Variants in PRDM14 observed in about 807,000 individuals in gnomAD.
The protein encoded by PRDM14 is PR/SET domain 14, also known as PR domain zinc finger protein 14.
A neutral mutation model predicts 48.0 loss-of-function variants in PRDM14; 16 were observed. The ratio of observed to expected loss-of-function variants is 0.33; its 90% CI spans 0.23 to 0.51. PRDM14 has a LOEUF of 0.51. PRDM14 is among the 20% of genes least tolerant of loss of function. The pLI is 0.97. For synonymous variants in PRDM14, 264 were observed against 276.6 expected (o/e 0.95, Z 0.45); for missense variants, 566 against 719.6 (o/e 0.79, Z 2.44).
intron 6 of PRDM14, among the ~76,000 whole-genome samples, chr8:70,057,259 G>A (rs1282980782): frequency 1.3e-5 from 2 of 151,704 alleles, no homozygotes; most frequent in Non-Finnish European, 1.5e-5. Context: ...CACCACTCCC[G>A]GCCTCCAATT....
intron 6 of PRDM14, among the ~76,000 whole-genome samples, chr8:70,056,968 C>CTT (rs34066424): frequency 3.6e-5 from 5 of 137,938 alleles, no homozygotes; most frequent in Non-Finnish European, 3.1e-5. Context: ...AGTTTCTTTT[C>CTT]TTTTTTTTTT....
At chr8:70,055,234 A>C in intron 7 of PRDM14, 66 bp downstream of exon 7, 1 of 878,786 alleles carries the variant, frequency 1.1e-6, no homozygotes, top group East Asian at 2.5e-5. Context: ...GCTTTGTTTC[A>C]AGTTCTTATC....
chr8:70,068,829 TCAG>T (rs1198680139), intron 2 of PRDM14, among the ~76,000 whole-genome samples: 1 of 152,190 alleles, frequency 6.6e-6, no homozygotes, highest in Non-Finnish European at 1.5e-5. Context: ...CTGACTAAGG[TCAG>T]CGTAGCTAGC....
chr8:70,055,791 G>A (rs1027820139), intron 6 of PRDM14, among the ~76,000 whole-genome samples: 2 of 152,084 alleles, frequency 1.3e-5, no homozygotes, highest in African/African-American at 2.4e-5. Context: ...CTTGAGCCAC[G>A]GCACCCGACC....
At position 70,052,065 on chromosome 8, in the gene PRDM14, T is replaced by C. The variant is rs184466035; in HGVS notation, c.*12A>G. 6.8e-5 allele frequency: 107 copies of C among 1,568,860 alleles called. No homozygotes were observed. In the African/African-American group the frequency reaches 1.3e-3, roughly 19 times the overall value. On this transcript the variant is annotated 3_prime_UTR_variant, in exon 8 of 8. Coordinates refer to ENST00000276594, the MANE Select transcript of PRDM14 (RefSeq NM_024504.4). Reference sequence around the variant, plus strand: ...CTGGGATTACAGGCGTGAGTCATTGTGCCTGGCAGGGCTAGTAGTCTTCAT... The same window carrying C: ...CTGGGATTACAGGCGTGAGTCATTGCGCCTGGCAGGGCTAGTAGTCTTCAT...
At chr8:70,052,408 C>A in intron 7 of PRDM14, 104 bp from the exon 8 acceptor site, 2 of 915,920 alleles carry the variant, frequency 2.2e-6, no homozygotes, top group Middle Eastern at 3.4e-4. Flanking sequence ...TCCTTATGGA[C>A]GAACCTTGGG....
chr8:70,061,357 C>T (rs920668737), intron 5 of PRDM14, among the ~76,000 whole-genome samples: 8 of 152,202 alleles, frequency 5.3e-5, no homozygotes, highest in Admixed American at 5.2e-4. Context: ...GAAATCTTCT[C>T]AGCATCAGGA....
rs1394343075 is a variant in PRDM14 at position 70,057,949 on chromosome 8, T to C, written c.1386+691A>G. 2.0e-5 allele frequency among the ~76,000 whole-genome samples: 3 copies of C among 152,332 alleles called. No homozygotes were observed. In the East Asian group the frequency reaches 5.8e-4, roughly 29 times the overall value. On this transcript the variant is annotated intron_variant, in intron 6 of 7. Transcript: ENST00000276594. ...AAACAGGAAAATGGGCTCAAGGTCG[T>C]AGCTGCCTGAGGTAGTTCCGACAAG... is the stretch of plus-strand genomic sequence containing the variant.
chr8:70,070,893 C>T (rs1411636848), intron 1 of PRDM14, among the ~76,000 whole-genome samples: 1 of 152,174 alleles, frequency 6.6e-6, no homozygotes, highest in Non-Finnish European at 1.5e-5. Context: ...AGGGTCATGA[C>T]TCAGAAATTA....
intron 7 of PRDM14, among the ~76,000 whole-genome samples, chr8:70,053,409 G>C (rs1805421227): frequency 6.7e-6 from 1 of 149,886 alleles, no homozygotes; most frequent in Non-Finnish European, 1.5e-5. Flanking sequence ...TGTTTGTTTT[G>C]AGACAGAATC....
In PRDM14 at chr8:70,067,531, C is replaced by CAAA. The variant is rs751731521; in HGVS notation, c.912+696_912+698dup. Among the ~76,000 whole-genome samples the CAAA allele has an allele frequency of 5.9e-3, 771 of 130,072 alleles. 2 individuals carry two copies. Among genetic ancestry groups the CAAA allele is most frequent in the African/African-American group, 0.02 (694 of 34,348 alleles). The allele number at this position is 130,072 out of a possible 152,430, so 85.3% of individuals were successfully genotyped here. Reference sequence around the variant, plus strand: ...AAACTCCGTCTCAAGAAAAAAAAAACAAAAAAAAAAAAACAAAGAAAGATT... The same window carrying CAAA: ...AAACTCCGTCTCAAGAAAAAAAAAACAAAAAAAAAAAAAAAACAAAGAAAGATT... On this transcript the variant is annotated intron_variant, in intron 4 of 7. Transcript: ENST00000276594.
chr8:70,054,648 AGCTGGG>A (rs1563437894), intron 7 of PRDM14, among the ~76,000 whole-genome samples: 4 of 150,892 alleles, frequency 2.7e-5, no homozygotes, highest in African/African-American at 7.3e-5. Flanking sequence ...CCTCCCAAGT[AGCTGGG>A]ATTACAGGAA....
chr8:70,066,619 T>C, intron 4 of PRDM14, 114 bp from the exon 5 acceptor site: 1 of 758,044 alleles, frequency 1.3e-6, no homozygotes, highest in Non-Finnish European at 2.2e-6. Context: ...CCAAATACAC[T>C]TCTATCATTC....
intron 5 of PRDM14, among the ~76,000 whole-genome samples, chr8:70,062,107 C>T (rs531688890): frequency 1.3e-5 from 2 of 152,154 alleles, no homozygotes; most frequent in Non-Finnish European, 2.9e-5. Flanking sequence ...TAATTATTCC[C>T]AACAAATTAA....
rs763472976 is a variant in PRDM14 at position 70,052,312 on chromosome 8, G to A, written c.1489-8C>T. 3 of 1,595,864 alleles carry A rather than the reference G, an allele frequency of 1.9e-6. No individual in the cohort carries two copies. The highest frequency in any genetic ancestry group is 2.6e-6 in the Non-Finnish European group (3 of 1,167,706). ...GCTGGAGGCTGTGAACCTCTGCAGA[G>A]AACAGAAATACAGAACACAAGAAAA... On this transcript the variant is annotated splice_region_variant and splice_polypyrimidine_tract_variant and intron_variant, in intron 7 of 7. Coordinates refer to ENST00000276594, the MANE Select transcript of PRDM14 (RefSeq NM_024504.4).
intron 6 of PRDM14, among the ~76,000 whole-genome samples, chr8:70,057,360 A>C (rs1402623411): frequency 7.6e-6 from 1 of 131,326 alleles, no homozygotes; most frequent in Admixed American, 7.9e-5. Context: ...ATGGAGTCTC[A>C]CTCCTGCCAC....
intron 4 of PRDM14, 120 bp downstream of exon 4, chr8:70,068,110 A>T (rs377652741): frequency 8.9e-7 from 1 of 1,121,478 alleles, no homozygotes. Context: ...AACCACAGAT[A>T]TCTGCCCTGG....
At chr8:70,053,551 G>A (rs1220399154) in intron 7 of PRDM14, among the ~76,000 whole-genome samples, 1 of 152,044 alleles carries the variant, frequency 6.6e-6, no homozygotes, top group African/African-American at 2.4e-5. Flanking sequence ...ATGATGCCCA[G>A]CTAATTTTTC....
rs985268824 is a variant in PRDM14 at position 70,069,788 on chromosome 8, T to C, written c.73A>G (p.Asn25Asp). ...VCYPPESSPQNLAAYYTPFPS... is the reference protein window; with the variant it reads ...VCYPPESSPQDLAAYYTPFPS... Reference sequence around the variant, plus strand: ...AAAGGCGTGTAGTACGCGGCCAGGTTCTGCGGGCTGCTCTCCGGCGGGTAG... The same window carrying C: ...AAAGGCGTGTAGTACGCGGCCAGGTCCTGCGGGCTGCTCTCCGGCGGGTAG... Residue 25 changes from asparagine to aspartate, a missense_variant, in exon 2 of 8, where the codon AAC becomes GAC. By Grantham distance (23) the Asn-to-Asp change is conservative. Transcript: ENST00000276594. The C allele has an allele frequency of 6.2e-7, 1 of 1,610,116 alleles. No homozygotes were observed. The highest frequency in any genetic ancestry group is 1.3e-5 in the African/African-American group (1 of 74,868).
Sources: allele counts gnomAD v4.1 joint callset (sites outside exome capture counted in the v4.1 genomes callset), GRCh38; gene constraint gnomAD v4.1.1; transcripts MANE v1.5; gene names NCBI Gene and HGNC (gene_info 2026-07-23, HGNC 2026-07-21).